The following P2RY8 variants were observed in gnomAD, a reference collection of about 807,000 sequenced individuals.
P2RY8 encodes the protein P2Y receptor family member 8, also known as S-geranylgeranyl-glutathione receptor P2RY8.
Under a neutral mutation model 10.0 loss-of-function variants are expected in P2RY8, and 6 were observed. The ratio of observed to expected loss-of-function variants is 0.60; its 90% CI spans 0.33 to 1.19. The LOEUF is 1.19. P2RY8 is among the 50% of genes most tolerant of loss of function. P2RY8 has a pLI of 0.04. For synonymous variants in P2RY8, 276 were observed against 252.5 expected (o/e 1.09, Z -0.88); for missense variants, 456 against 542.0 (o/e 0.84, Z 1.58).
At chrX:1,469,854 G>A (rs1489210070) in intron 1 of P2RY8, among the ~76,000 whole-genome samples, 12 of 151,886 alleles carry the variant, frequency 7.9e-5, no homozygotes, top group African/African-American at 1.7e-4. Context: ...AGCCGAGATC[G>A]CACCACTGTA....
intron 1 of P2RY8, among the ~76,000 whole-genome samples, chrX:1,482,839 A>G (rs1170196132): frequency 2.0e-5 from 3 of 151,934 alleles, no homozygotes; most frequent in Admixed American, 2.0e-4. Flanking sequence ...AAACTATCGC[A>G]AGGACAAAAA....
chrX:1,467,550 G>A lies in P2RY8; in HGVS notation c.-24-968C>T, dbSNP rs1340557222. Among the ~76,000 whole-genome samples the A allele has an allele frequency of 8.5e-5, 13 of 152,354 alleles. No homozygotes were observed. The East Asian group carries it at 1.7e-3, about 20-fold the overall frequency. On this transcript the variant is annotated intron_variant, in intron 1 of 1. Transcript: ENST00000381297. Reference sequence around the variant, plus strand: ...TCCGCTTGGTGTGGCCGTGGGGGACGTCTGGAAGGAGAGACGCTTTATCCA... The same window carrying A: ...TCCGCTTGGTGTGGCCGTGGGGGACATCTGGAAGGAGAGACGCTTTATCCA...
At chrX:1,508,601 CATCT>C (rs201183022) in intron 1 of P2RY8, among the ~76,000 whole-genome samples, 33,432 of 150,372 alleles carry the variant, frequency 0.22, 3,824 homozygotes, top group Non-Finnish European at 0.33. Context: ...TCTGTCTAGC[CATCT>C]ATCTATCTAT....
At chrX:1,528,808 G>C (rs567550490) in intron 1 of P2RY8, among the ~76,000 whole-genome samples, 1 of 152,054 alleles carries the variant, frequency 6.6e-6, no homozygotes, top group Non-Finnish European at 1.5e-5. Flanking sequence ...CTTTGATTGC[G>C]TGTGGGTTTG....
intron 1 of P2RY8, among the ~76,000 whole-genome samples, chrX:1,527,747 A>T (rs1171517157): frequency 6.6e-6 from 1 of 151,528 alleles, no homozygotes; most frequent in East Asian, 1.9e-4. Context: ...CCATTCATCC[A>T]CTCTTCATTC....
At position 1,502,003 on chromosome X, in the gene P2RY8, C is replaced by T. The variant is rs372504222; in HGVS notation, c.-25+34918G>A. ...TTGCCTCACTGCAACCTCCGCCTCC[C>T]GGGTTCAAACGATTGTCCTGCCTCG... On this transcript the variant is annotated intron_variant, in intron 1 of 1. Coordinates refer to ENST00000381297, the MANE Select transcript of P2RY8 (RefSeq NM_178129.5). Among the ~76,000 whole-genome samples the T allele has an allele frequency of 3.9e-5, 6 of 152,142 alleles. No homozygotes were observed. In the East Asian group the frequency reaches 5.8e-4, roughly 15 times the overall value.
At chrX:1,496,941 G>A (rs867546123) in intron 1 of P2RY8, among the ~76,000 whole-genome samples, 15 of 150,796 alleles carry the variant, frequency 9.9e-5, no homozygotes, top group Admixed American at 2.0e-4. Flanking sequence ...ACATCAGGCC[G>A]GGCGTGGTGG....
chrX:1,535,693 CCACA>C (rs779177116), intron 1 of P2RY8, among the ~76,000 whole-genome samples: 44 of 126,082 alleles, frequency 3.5e-4, no homozygotes, highest in African/African-American at 7.3e-4. Context: ...GAAGAAACAA[CCACA>C]CACACACACA....
chrX:1,487,911 C>T (rs1330403203), intron 1 of P2RY8, among the ~76,000 whole-genome samples: 1 of 152,068 alleles, frequency 6.6e-6, no homozygotes, highest in Non-Finnish European at 1.5e-5. Flanking sequence ...GAGATCGAGA[C>T]CATCCTGGCT....
chrX:1,509,099 GTATC>G (rs760585041), intron 1 of P2RY8, among the ~76,000 whole-genome samples: 8,353 of 137,914 alleles, frequency 0.061, 174 homozygotes, highest in African/African-American at 0.12. Context: ...ATGTATCTAT[GTATC>G]TATCTATCTA....
chrX:1,494,504 C>A (rs148542448), intron 1 of P2RY8, among the ~76,000 whole-genome samples: 1,629 of 151,746 alleles, frequency 0.011, 28 homozygotes, highest in Middle Eastern at 0.054. Flanking sequence ...ATGTGTTTTT[C>A]TCCTAATGCG....
In P2RY8 at chrX:1,521,302, T is replaced by C. The variant is rs761537959; in HGVS notation, c.-25+15619A>G. On this transcript the variant is annotated intron_variant, in intron 1 of 1. Transcript: ENST00000381297. ...ACCTCGTCATCCGCCCGCCTTGGCC[T>C]CCCAAAGTGCTGGGATTACAGGCAT... 2.6e-3 allele frequency among the ~76,000 whole-genome samples: 391 copies of C among 152,230 alleles called. 2 individuals are homozygous for C. Among genetic ancestry groups the C allele is most frequent in the African/African-American group, 8.4e-3 (351 of 41,556 alleles).
At chrX:1,535,660 G>C (rs189441173) in intron 1 of P2RY8, among the ~76,000 whole-genome samples, 1 of 150,164 alleles carries the variant, frequency 6.7e-6, no homozygotes, top group East Asian at 2.0e-4. Flanking sequence ...TCTCATCCAC[G>C]TTACGTAAAG....
In P2RY8 at chrX:1,490,838, T is replaced by A. The variant is rs759418575; in HGVS notation, c.-24-24256A>T. ...TCCCTGCAAATGTGGGGGGAATGAA[T>A]GAATGATACCCCAGATTCACTTCTG... On this transcript the variant is annotated intron_variant, in intron 1 of 1. Transcript: ENST00000381297. Among the ~76,000 whole-genome samples, 4 of 149,600 alleles carry A rather than the reference T, an allele frequency of 2.7e-5. 1 individual carries two copies. The highest frequency in any genetic ancestry group is 1.3e-4 in the Admixed American group (2 of 15,008).
At chrX:1,468,388 G>C (rs1269783254) in intron 1 of P2RY8, among the ~76,000 whole-genome samples, 1 of 152,212 alleles carries the variant, frequency 6.6e-6, no homozygotes, top group Admixed American at 6.5e-5. Context: ...GCAGCCTCTT[G>C]GCAGCCAGAT....
chrX:1,483,153 C>T (rs1298765504), intron 1 of P2RY8, among the ~76,000 whole-genome samples: 18 of 152,120 alleles, frequency 1.2e-4, no homozygotes, highest in Admixed American at 6.6e-4. Context: ...TGTGAGTTGA[C>T]GCGGACTTGC....
intron 1 of P2RY8, among the ~76,000 whole-genome samples, chrX:1,524,625 T>G (rs868827423): frequency 5.9e-5 from 1 of 16,856 alleles, no homozygotes; most frequent in Non-Finnish European, 1.1e-4. Context: ...ATCCATCCAT[T>G]CATCCATCCA....
At chrX:1,524,625 T>TCCATC (rs2092422583) in intron 1 of P2RY8, among the ~76,000 whole-genome samples, 3 of 16,790 alleles carry the variant, frequency 1.8e-4, no homozygotes, top group African/African-American at 4.6e-4. Flanking sequence ...ATCCATCCAT[T>TCCATC]CATCCATCCA....
chrX:1,471,987 T>C (rs771494979), intron 1 of P2RY8, among the ~76,000 whole-genome samples: 36 of 152,216 alleles, frequency 2.4e-4, no homozygotes, highest in Middle Eastern at 6.8e-3. Flanking sequence ...CCACCCAGTT[T>C]GTGGTTCTTT....
Sources: allele counts gnomAD v4.1 joint callset (sites outside exome capture counted in the v4.1 genomes callset), GRCh38; gene constraint gnomAD v4.1.1; transcripts MANE v1.5; gene names NCBI Gene and HGNC (gene_info 2026-07-23, HGNC 2026-07-21).